LMO4: variants seen among roughly 807,000 people sequenced by gnomAD.
LMO4 encodes the protein LIM domain only 4, also known as LIM domain transcription factor LMO4.
In LMO4, 3 loss-of-function variants were observed where a neutral mutation model predicts 18.5. That is an observed-to-expected ratio of 0.16 (90% confidence interval 0.07 to 0.42). LMO4 has a LOEUF of 0.42. Among genes scored for constraint, LMO4 ranks in the 10% least tolerant of loss-of-function variants. LMO4 has a pLI of 0.99. For synonymous variants in LMO4, 100 were observed against 88.1 expected, an observed-to-expected ratio of 1.14 and a Z score of -0.76; for missense variants, 121 against 219.9, an observed-to-expected ratio of 0.55 and a Z score of 2.84.
intron 1 of LMO4, among the ~76,000 whole-genome samples, chr1:87,330,053 G>A (rs1324766612): frequency 7.1e-6 from 1 of 141,790 alleles, no homozygotes; most frequent in Non-Finnish European, 1.5e-5. Flanking sequence ...ATGAGGGCCC[G>A]TCCTTAGTTA....
intron 3 of LMO4, among the ~76,000 whole-genome samples, 172 bp from the exon 4 acceptor site, chr1:87,339,875 G>A (rs1650423407): frequency 6.6e-6 from 1 of 152,168 alleles, no homozygotes; most frequent in Admixed American, 6.5e-5. Flanking sequence ...TGGTCCAGTT[G>A]ATAGCAATTT....
At chr1:87,331,063 G>C (rs868750994) in intron 1 of LMO4, among the ~76,000 whole-genome samples, 161 of 4,192 alleles carry the variant, frequency 0.038, 1 homozygote, top group Middle Eastern at 0.12. Context: ...AACGCCGCCC[G>C]CCCCCCCCCC....
intron 3 of LMO4, among the ~76,000 whole-genome samples, 153 bp from the exon 4 acceptor site, chr1:87,339,894 G>A (rs983494183): frequency 1.3e-5 from 2 of 152,108 alleles, no homozygotes; most frequent in African/African-American, 4.8e-5. Flanking sequence ...TTGGCTTACT[G>A]TTTTCTGGAG....
At position 87,344,205 on chromosome 1, in the gene LMO4, A is replaced by T. The variant is rs544511461; in HGVS notation, c.490-583A>T. Among the ~76,000 whole-genome samples the T allele has an allele frequency of 2.6e-5, 4 of 152,280 alleles. No individual in the cohort carries two copies. The South Asian group carries it at 8.3e-4, about 32-fold the overall frequency. ...ATGGGTGAATATTTTTCACATGGGG[A>T]TATCGGAATAATAATGATAACTGCC... On this transcript the variant is annotated intron_variant, in intron 4 of 4. Coordinates refer to ENST00000370544, the MANE Select transcript of LMO4 (RefSeq NM_006769.4).
At chr1:87,331,883 G>A in intron 1 of LMO4, 130 bp from the exon 2 acceptor site, 1 of 717,238 alleles carries the variant, frequency 1.4e-6, no homozygotes, top group Non-Finnish European at 2.3e-6. Context: ...TCCCGCCCTT[G>A]CCCTGCTGTT....
rs1451216926 is a variant in LMO4, at chr1:87,329,440, G to C, written c.-4+196G>C. Reference sequence around the variant, plus strand: ...GCGAGCTAGCGCGGAGGGCAGCCCCGGGCCGCCAGCTTTGTAGCGGTTCCT... The same window carrying C: ...GCGAGCTAGCGCGGAGGGCAGCCCCCGGCCGCCAGCTTTGTAGCGGTTCCT... On this transcript the variant is annotated intron_variant, in intron 1 of 4. Transcript: ENST00000370544. Among the ~76,000 whole-genome samples, 4 of 152,300 alleles carry C rather than the reference G, an allele frequency of 2.6e-5. No homozygotes were observed. In the East Asian group the frequency reaches 7.7e-4, roughly 29 times the overall value.
intron 2 of LMO4, among the ~76,000 whole-genome samples, chr1:87,338,686 T>C (rs1650383435): frequency 1.3e-5 from 2 of 152,068 alleles, no homozygotes; most frequent in African/African-American, 2.4e-5. Flanking sequence ...CTTTTCCTTC[T>C]CCCCCTCCTC....
Position 87,339,536 on chromosome 1 carries a change from G to T in LMO4, c.237G>T (p.Arg79Ser), listed in dbSNP as rs758668000. Residue 79 changes from arginine (R) to serine (S), a missense_variant and splice_region_variant, in exon 3 of 5, where the codon AGG becomes AGT. Coordinates refer to ENST00000370544, the MANE Select transcript of LMO4 (RefSeq NM_006769.4). Reference protein sequence around the residue: ...GMILCRNDYIRLFGNSGACSA... With the variant: ...GMILCRNDYISLFGNSGACSA... ...TGTCAACCGTTATTCTTTGTTTCAG[G>T]TTATTTGGAAATAGCGGTGCTTGCA... 6.2e-7 allele frequency: 1 copy of T among 1,611,506 alleles called. No individual in the cohort carries two copies. Among genetic ancestry groups the T allele is most frequent in the South Asian group, 1.1e-5 (1 of 91,020 alleles).
chr1:87,336,454 A>C (rs12743523), intron 2 of LMO4, among the ~76,000 whole-genome samples: 80 of 152,334 alleles, frequency 5.3e-4, no homozygotes, highest in South Asian at 2.1e-3. Flanking sequence ...TGGTCATTGA[A>C]GTTACTGAAA....
intron 4 of LMO4, 41 bp from the exon 5 acceptor site, chr1:87,344,747 T>G (rs1454503893): frequency 2.5e-6 from 4 of 1,610,496 alleles, no homozygotes; most frequent in Non-Finnish European, 2.5e-6. Flanking sequence ...ATCTCTCAAA[T>G]TTAGCATTTT....
chr1:87,348,257 C>T lies in LMO4; in HGVS notation c.*3461C>T, dbSNP rs1035013236. 1 of 160,074 alleles carries T rather than the reference C, an allele frequency of 6.2e-6. No homozygotes were observed. The highest frequency in any genetic ancestry group is 1.4e-5 in the Non-Finnish European group (1 of 72,364). The allele number at this position is 160,074 out of a possible 1,614,324, so 9.9% of individuals were successfully genotyped here. A position where few individuals can be genotyped will look rare whatever the true frequency, so the allele number is the denominator to read the frequency against. On this transcript the variant is annotated 3_prime_UTR_variant, in exon 5 of 5. Coordinates refer to ENST00000370544, the MANE Select transcript of LMO4 (RefSeq NM_006769.4). ...ATCCAAAAACCCCATCACCCTTCAC[C>T]CCAAAGACCCCTTCACCCTTCACCA... is the stretch of plus-strand genomic sequence containing the variant.
intron 2 of LMO4, among the ~76,000 whole-genome samples, chr1:87,335,981 T>G (rs768917455): frequency 3.9e-4 from 59 of 151,660 alleles, no homozygotes; most frequent in Non-Finnish European, 6.6e-4. Flanking sequence ...CCAATTCACT[T>G]GGGGGCAGAT....
chr1:87,335,885 A>C (rs928153394), intron 2 of LMO4, among the ~76,000 whole-genome samples: 11 of 151,894 alleles, frequency 7.2e-5, no homozygotes, highest in South Asian at 2.1e-4. Flanking sequence ...AAAAAAAAAA[A>C]CAGGATCTCA....
chr1:87,340,690 T>A lies in LMO4; in HGVS notation c.489+488T>A, dbSNP rs200611734. On this transcript the variant is annotated intron_variant, in intron 4 of 4. Coordinates refer to ENST00000370544, the MANE Select transcript of LMO4 (RefSeq NM_006769.4). ...ACAATTCATTTACTTTTTAGAAGAG[T>A]AATTTTACAAAACATTCTGTAACTT... Among the ~76,000 whole-genome samples the A allele has an allele frequency of 2.0e-5, 3 of 152,198 alleles. No individual in the cohort carries two copies. In the East Asian group the frequency reaches 5.8e-4, roughly 29 times the overall value.
chr1:87,335,927 G>A (rs1650298141), intron 2 of LMO4, among the ~76,000 whole-genome samples: 1 of 150,874 alleles, frequency 6.6e-6, no homozygotes, highest in South Asian at 2.1e-4. Context: ...AATTTAGGGG[G>A]AACGTTTATC....
chr1:87,330,215 A>G (rs1484410254), intron 1 of LMO4, among the ~76,000 whole-genome samples: 3 of 152,006 alleles, frequency 2.0e-5, no homozygotes, highest in South Asian at 2.1e-4. Flanking sequence ...AAAAATACAT[A>G]TATATTTACC....
rs1650658239 is a variant in LMO4, at chr1:87,347,143, TTTC to T, written c.*2350_*2352del. The T allele has an allele frequency of 6.6e-6, 1 of 152,232 alleles. No homozygotes were observed. The highest frequency in any genetic ancestry group is 2.4e-5 in the African/African-American group (1 of 41,460). 9.4% of individuals were successfully genotyped at this position (152,232 alleles called of 1,614,324 possible). A position where few individuals can be genotyped will look rare whatever the true frequency, so the allele number is the denominator to read the frequency against. ...ATTTAATAATGAGCTTCTAAAAGCA[TTTC>T]TTAAGTTGCAGACCTATAAGATTAC... On this transcript the variant is annotated 3_prime_UTR_variant, in exon 5 of 5. Transcript: ENST00000370544.
chr1:87,330,119 A>G (rs991472585), intron 1 of LMO4, among the ~76,000 whole-genome samples: 21 of 151,248 alleles, frequency 1.4e-4, no homozygotes, highest in African/African-American at 4.6e-4. Flanking sequence ...AGATTTAATC[A>G]GCATTAAGGT....
chr1:87,343,504 AGT>A (rs967540303), intron 4 of LMO4, among the ~76,000 whole-genome samples: 85 of 152,264 alleles, frequency 5.6e-4, no homozygotes, highest in African/African-American at 2.0e-3. Flanking sequence ...TCCACTCAAA[AGT>A]GTGATGGTGC....
Sources: allele counts gnomAD v4.1 joint callset (sites outside exome capture counted in the v4.1 genomes callset), GRCh38; gene constraint gnomAD v4.1.1; transcripts MANE v1.5; gene names NCBI Gene and HGNC (gene_info 2026-07-23, HGNC 2026-07-21).